MAP3K2: variants seen among roughly 807,000 people sequenced by gnomAD.
The protein encoded by MAP3K2 is MAP/ERK kinase kinase 2.
In MAP3K2, 24 loss-of-function variants were observed where a neutral mutation model predicts 80.3. That is an observed-to-expected ratio of 0.30 (90% CI 0.22 to 0.42). The LOEUF (loss-of-function observed/expected upper bound fraction) is 0.42, where lower values mean the gene tolerates loss of function less well. Among genes scored for constraint, MAP3K2 ranks in the 10% least tolerant of loss-of-function variants. MAP3K2 has a pLI of 1.00. For synonymous variants in MAP3K2, 244 were observed against 253.7 expected, an observed-to-expected ratio of 0.96 and a Z score of 0.36; for missense variants, 608 against 750.1, an observed-to-expected ratio of 0.81 and a Z score of 2.21.
intron 1 of MAP3K2, among the ~76,000 whole-genome samples, chr2:127,383,817 T>C (rs1156453251): frequency 6.6e-6 from 1 of 152,064 alleles, no homozygotes; most frequent in Non-Finnish European, 1.5e-5. Context: ...AATAAAAAAA[T>C]TAGGCTAGCC....
intron 1 of MAP3K2, among the ~76,000 whole-genome samples, chr2:127,358,103 A>G (rs1558986577): frequency 6.6e-6 from 1 of 152,228 alleles, no homozygotes; most frequent in Non-Finnish European, 1.5e-5. Flanking sequence ...CAGAATATCT[A>G]AAGTACTCTT....
chr2:127,335,212 A>G (rs1213288443), intron 5 of MAP3K2, among the ~76,000 whole-genome samples: 1 of 152,186 alleles, frequency 6.6e-6, no homozygotes, highest in Non-Finnish European at 1.5e-5. Flanking sequence ...AAAATTAATA[A>G]ATACTTTCTG....
Position 127,324,216 on chromosome 2 carries a change from G to T in MAP3K2, c.703C>A (p.Pro235Thr). 6.4e-7 allele frequency: 1 copy of T among 1,565,402 alleles called. No individual in the cohort carries two copies. Among genetic ancestry groups the T allele is most frequent in the Non-Finnish European group, 8.7e-7 (1 of 1,155,826 alleles). The change falls in exon 10 of 17, where the codon CCT becomes ACT. Residue 235 changes from proline to threonine, a missense_variant. Coordinates refer to ENST00000682094, the MANE Select transcript of MAP3K2 (RefSeq NM_001371910.2). ...DGESYPKSRM[P>T]RAQSYPDNHQ... ...TTATCTGGGTAGCTCTGAGCCCTAG[G>T]CATTCGTGATTTTGGATAGCTCTCT... is the stretch of plus-strand genomic sequence containing the variant.
At position 127,307,952 on chromosome 2, in the gene MAP3K2, TC is replaced by T; in HGVS notation, c.1635-149del. Reference sequence around the variant, plus strand: ...AAAGTTTCATTAAAAAGTTCTAATTTCGTAAAACTAATTTAAACATAAAAAT... The same window carrying T: ...AAAGTTTCATTAAAAAGTTCTAATTTGTAAAACTAATTTAAACATAAAAAT... On this transcript the variant is annotated intron_variant, in intron 16 of 16. Transcript: ENST00000682094. The surrounding 1 kb of genome is among the most constrained non-coding windows in gnomAD (Gnocchi z 5.4). 1 of 560,172 alleles carries T rather than the reference TC, an allele frequency of 1.8e-6. No homozygotes were observed. Among genetic ancestry groups the T allele is most frequent in the Non-Finnish European group, 3.1e-6 (1 of 325,130 alleles). The allele number at this position is 560,172 out of a possible 1,614,324, so 34.7% of individuals were successfully genotyped here. A position where few individuals can be genotyped will look rare whatever the true frequency, so the allele number is the denominator to read the frequency against.
chr2:127,350,107 T>C (rs1686665702), intron 1 of MAP3K2, among the ~76,000 whole-genome samples: 1 of 152,068 alleles, frequency 6.6e-6, no homozygotes. Context: ...AATCAGAATA[T>C]GACTGAGATA....
chr2:127,334,054 C>T (rs958622068), intron 5 of MAP3K2, among the ~76,000 whole-genome samples: 1 of 152,078 alleles, frequency 6.6e-6, no homozygotes, highest in African/African-American at 2.4e-5. Context: ...GAGGTGAGAT[C>T]GGGCCACTGC....
chr2:127,315,150 G>A (rs72845969), intron 14 of MAP3K2, among the ~76,000 whole-genome samples: 4,899 of 152,246 alleles, frequency 0.032, 121 homozygotes, highest in Middle Eastern at 0.062. Context: ...ACTCAAGTTC[G>A]AAACATGAGA....
chr2:127,337,171 C>A (rs936432224), intron 4 of MAP3K2, among the ~76,000 whole-genome samples: 2 of 151,870 alleles, frequency 1.3e-5, no homozygotes, highest in South Asian at 2.1e-4. Flanking sequence ...GGCCTTAATT[C>A]CTATTAGGTC....
rs547260132 is a variant in MAP3K2, at chr2:127,307,454, A to G, written c.*125T>C. On this transcript the variant is annotated 3_prime_UTR_variant, in exon 17 of 17. Coordinates refer to ENST00000682094, the MANE Select transcript of MAP3K2 (RefSeq NM_001371910.2). The surrounding 1 kb of genome is among the most constrained non-coding windows in gnomAD (Gnocchi z 5.4). ...CAAATTTAACCAAGAATCAAGAGAA[A>G]TACTTTCCCTCTTGTCTTTTTTCTC... is the stretch of plus-strand genomic sequence containing the variant. The G allele has an allele frequency of 6.0e-6, 3 of 501,490 alleles. No individual in the cohort carries two copies. Among genetic ancestry groups the G allele is most frequent in the Admixed American group, 7.5e-5 (2 of 26,624 alleles). 31.1% of individuals were successfully genotyped at this position (501,490 alleles called of 1,614,324 possible). A position where few individuals can be genotyped will look rare whatever the true frequency, so the allele number is the denominator to read the frequency against.
In MAP3K2 at chr2:127,310,684, C is replaced by T. The variant is rs866625929; in HGVS notation, c.1457-1922G>A. The stretch of plus-strand genomic sequence containing the variant: ...AAAAACAAAAAACCAAGCTTGGGCA[C>T]TAGGCTCACTTGTTTTTTATTCTCT... On this transcript the variant is annotated intron_variant, in intron 15 of 16. Transcript: ENST00000682094. The surrounding 1 kb of genome is among the most constrained non-coding windows in gnomAD (Gnocchi z 4.8). Among the ~76,000 whole-genome samples the T allele has an allele frequency of 1.1e-4, 17 of 152,088 alleles. No individual in the cohort carries two copies. The Middle Eastern group carries it at 0.01, about 92-fold the overall frequency.
At chr2:127,386,546 G>A (rs1335238439) in intron 1 of MAP3K2, among the ~76,000 whole-genome samples, 1 of 152,134 alleles carries the variant, frequency 6.6e-6, no homozygotes, top group East Asian at 1.9e-4. Flanking sequence ...AACTACAAAA[G>A]TAAATTTGTG....
chr2:127,373,201 A>C (rs1442653270), intron 1 of MAP3K2, among the ~76,000 whole-genome samples: 2 of 152,204 alleles, frequency 1.3e-5, no homozygotes, highest in Non-Finnish European at 2.9e-5. Context: ...AGAATTTCCT[A>C]ATGGCAAGAT....
chr2:127,377,227 TTTA>T lies in MAP3K2; in HGVS notation c.-66+10222_-66+10224del, dbSNP rs536916855. 2.0e-3 allele frequency among the ~76,000 whole-genome samples: 310 copies of T among 152,080 alleles called. 4 individuals are homozygous for T. The highest frequency in any genetic ancestry group is 6.7e-3 in the African/African-American group (276 of 41,492). On this transcript the variant is annotated intron_variant, in intron 1 of 16. Transcript: ENST00000682094. ...ATAAAATTTATTTAAAATAGACGAG[TTTA>T]TTGTCATCCCACTGAAAAGTATATG...
At chr2:127,330,362 T>C (rs745847682) in intron 6 of MAP3K2, 30 bp downstream of exon 6, 1 of 1,136,266 alleles carries the variant, frequency 8.8e-7, no homozygotes, top group Admixed American at 2.3e-5. Context: ...GTCCTATAAT[T>C]CTTACTGAAA....
At chr2:127,388,051 C>T (rs1687410047), upstream of MAP3K2, 3 of 983,334 alleles carry the variant, frequency 3.1e-6, no homozygotes, top group South Asian at 1.4e-4. Context: ...TAGCGGAACC[C>T]GCCGCGGGCG....
intron 4 of MAP3K2, among the ~76,000 whole-genome samples, chr2:127,336,974 C>T (rs776728062): frequency 9.2e-5 from 14 of 152,070 alleles, no homozygotes; most frequent in Admixed American, 3.9e-4. Flanking sequence ...AACCCTATCT[C>T]GACTAAAAAA....
rs1391889627 is a variant in MAP3K2, at chr2:127,350,824, GTTAA to G, written c.-65-7634_-65-7631del. On this transcript the variant is annotated intron_variant, in intron 1 of 16. Transcript: ENST00000682094. The stretch of plus-strand genomic sequence containing the variant: ...AAAAAGCTTAAGTCAAGTGATCCAT[GTTAA>G]TTAAGATCATCAGTAACAGGCAAAT... 3.3e-5 allele frequency among the ~76,000 whole-genome samples: 5 copies of G among 151,762 alleles called. No individual in the cohort carries two copies. In the South Asian group the frequency reaches 6.2e-4, roughly 19 times the overall value.
chr2:127,334,003 G>A (rs1035953196), intron 5 of MAP3K2, among the ~76,000 whole-genome samples: 13 of 152,166 alleles, frequency 8.5e-5, no homozygotes, highest in African/African-American at 2.2e-4. Context: ...GGAGGCTGAC[G>A]TGGGAAGATC....
intron 1 of MAP3K2, among the ~76,000 whole-genome samples, chr2:127,353,447 G>A (rs1255399637): frequency 6.6e-6 from 1 of 151,596 alleles, no homozygotes; most frequent in Non-Finnish European, 1.5e-5. Flanking sequence ...GAGAAGTGAG[G>A]AGCCCCTCCG....
Sources: gnomAD v4.1 joint callset for allele counts (sites outside exome capture counted in the v4.1 genomes callset) on GRCh38, gnomAD v4.1.1 for gene constraint, Gnocchi (gnomAD v3.1) non-coding constraint, MANE v1.5 for transcripts, NCBI Gene and HGNC (gene_info 2026-07-23, HGNC 2026-07-21) for gene names.